The following CNTNAP2 variants were observed in gnomAD, a reference collection of about 807,000 sequenced individuals.
CNTNAP2 encodes contactin-associated protein-like 2.
A neutral mutation model predicts 155.2 loss-of-function variants in CNTNAP2; 98 were observed. The ratio of observed to expected loss-of-function variants is 0.63; its 90% CI spans 0.54 to 0.75. The LOEUF is 0.75. CNTNAP2 is among the 30% of genes least tolerant of loss of function. The pLI, the probability that CNTNAP2 is intolerant of heterozygous loss-of-function variation, is 0.00. For missense variants in CNTNAP2, 1,727 were observed against 1,688.1 expected (o/e 1.02, Z -0.40); for synonymous variants, 651 against 631.2 (o/e 1.03, Z -0.47).
At chr7:147,173,813 C>T (rs1012587133) in intron 8 of CNTNAP2, among the ~76,000 whole-genome samples, 2 of 152,118 alleles carry the variant, frequency 1.3e-5, no homozygotes, top group Admixed American at 6.6e-5. Context: ...AGCAAGGGGA[C>T]TCTGCACACG....
intron 1 of CNTNAP2, among the ~76,000 whole-genome samples, chr7:146,245,223 T>G: frequency 6.6e-6 from 1 of 151,508 alleles, no homozygotes; most frequent in Non-Finnish European, 1.5e-5. Flanking sequence ...AGAGATACAG[T>G]CATGGGGGTC....
chr7:147,816,413 T>A (rs1202434407), intron 13 of CNTNAP2, among the ~76,000 whole-genome samples: 1 of 151,544 alleles, frequency 6.6e-6, no homozygotes, highest in Admixed American at 6.6e-5. Context: ...AATTATTAAT[T>A]TTTTCATGTA....
At chr7:147,507,550 C>CTTTTTTTT (rs3052511) in intron 11 of CNTNAP2, among the ~76,000 whole-genome samples, 88 of 82,000 alleles carry the variant, frequency 1.1e-3, no homozygotes, top group South Asian at 2.5e-3. Context: ...CTCTTTCTTT[C>CTTTTTTTT]TTTTTTTTTT....
chr7:148,278,011 G>C (rs1049003551), intron 21 of CNTNAP2, among the ~76,000 whole-genome samples: 1 of 152,138 alleles, frequency 6.6e-6, no homozygotes, highest in African/African-American at 2.4e-5. Context: ...AGACACGAGA[G>C]AACAAGCCAC....
rs1441401534 is a variant in CNTNAP2 at position 147,570,520 on chromosome 7, G to A, written c.1897+8263G>A. Among the ~76,000 whole-genome samples, 15 of 152,294 alleles carry A rather than the reference G, an allele frequency of 9.8e-5. No individual in the cohort carries two copies. The South Asian group carries it at 2.7e-3, about 27-fold the overall frequency. On this transcript the variant is annotated intron_variant, in intron 12 of 23. Transcript: ENST00000361727. ...TAAAAATTGCTTGTCAACCAGAAATGACAATTACTAACACATTAGTCACTG... is the reference window on the plus strand; with the variant it reads ...TAAAAATTGCTTGTCAACCAGAAATAACAATTACTAACACATTAGTCACTG...
rs985775777 is a variant in CNTNAP2, at chr7:146,458,381, C to A, written c.98-315890C>A. 3.9e-5 allele frequency among the ~76,000 whole-genome samples: 6 copies of A among 152,118 alleles called. No individual in the cohort carries two copies. In the East Asian group the frequency reaches 1.2e-3, roughly 30 times the overall value. ...CTAATTAATTTCATTTAATAAATGT[C>A]TATTAAGAAAAAAATCCCATCTAAT... On this transcript the variant is annotated intron_variant, in intron 1 of 23. Coordinates refer to ENST00000361727, the MANE Select transcript of CNTNAP2 (RefSeq NM_014141.6).
chr7:148,355,495 A>T (rs576750436), intron 21 of CNTNAP2, among the ~76,000 whole-genome samples: 1 of 152,106 alleles, frequency 6.6e-6, no homozygotes, highest in Non-Finnish European at 1.5e-5. Flanking sequence ...TACTTACTCA[A>T]TATAATCCCA....
intron 2 of CNTNAP2, among the ~76,000 whole-genome samples, chr7:146,807,730 C>G (rs1180309379): frequency 6.6e-6 from 1 of 151,946 alleles, no homozygotes; most frequent in Non-Finnish European, 1.5e-5. Flanking sequence ...GTCTCTCCAT[C>G]TCTGTATTTT....
At chr7:147,097,843 G>C (rs954662137) in intron 4 of CNTNAP2, among the ~76,000 whole-genome samples, 2 of 152,124 alleles carry the variant, frequency 1.3e-5, no homozygotes, top group Non-Finnish European at 2.9e-5. Flanking sequence ...AGGAATTTTT[G>C]ACATTTTGTT....
intron 1 of CNTNAP2, among the ~76,000 whole-genome samples, chr7:146,737,893 A>G (rs981794922): frequency 6.6e-6 from 1 of 152,204 alleles, no homozygotes; most frequent in African/African-American, 2.4e-5. Context: ...AAACACACAT[A>G]CCACATTTGC....
intron 1 of CNTNAP2, among the ~76,000 whole-genome samples, chr7:146,209,004 C>T (rs1266957229): frequency 6.6e-6 from 1 of 151,960 alleles, no homozygotes; most frequent in Non-Finnish European, 1.5e-5. Flanking sequence ...CATTAGCCAC[C>T]TTTGAGCCTT....
At chr7:147,299,817 C>T (rs922001989) in intron 8 of CNTNAP2, among the ~76,000 whole-genome samples, 2 of 152,178 alleles carry the variant, frequency 1.3e-5, no homozygotes, top group Middle Eastern at 3.2e-3. Flanking sequence ...TGCAGTGGCT[C>T]ACGCCTGTAA....
In CNTNAP2 at chr7:146,940,799, TTA is replaced by T. The variant is rs200533097; in HGVS notation, c.402+100903_402+100904del. On this transcript the variant is annotated intron_variant, in intron 3 of 23. Coordinates refer to ENST00000361727, the MANE Select transcript of CNTNAP2 (RefSeq NM_014141.6). The stretch of plus-strand genomic sequence containing the variant: ...CATACAGTTGCTGTATATATAGTTG[TTA>T]TATATATGTGTGTGTGTGTATATAC... 6.9e-3 allele frequency among the ~76,000 whole-genome samples: 1,045 copies of T among 150,490 alleles called. 9 individuals carry two copies. Among genetic ancestry groups the T allele is most frequent in the African/African-American group, 0.024 (976 of 41,022 alleles).
chr7:146,164,933 G>T (rs1798289937), intron 1 of CNTNAP2, among the ~76,000 whole-genome samples: 1 of 152,160 alleles, frequency 6.6e-6, no homozygotes, highest in African/African-American at 2.4e-5. Context: ...AGCAGTTTAT[G>T]TGAAGTGTGT....
At chr7:147,630,093 AAG>A (rs139205708) in intron 12 of CNTNAP2, among the ~76,000 whole-genome samples, 1 of 151,848 alleles carries the variant, frequency 6.6e-6, no homozygotes, top group Non-Finnish European at 1.5e-5. Context: ...CCAAGAAAAA[AAG>A]AGAGAAGATC....
At chr7:147,828,096 G>A (rs898451990) in intron 13 of CNTNAP2, among the ~76,000 whole-genome samples, 2 of 152,144 alleles carry the variant, frequency 1.3e-5, no homozygotes, top group Non-Finnish European at 2.9e-5. Flanking sequence ...CTAGAAAAAA[G>A]GGGGAAGAAA....
chr7:147,301,598 G>C (rs1305815494), intron 9 of CNTNAP2, among the ~76,000 whole-genome samples: 778 of 13,786 alleles, frequency 0.056, 6 homozygotes, highest in African/African-American at 0.18. Flanking sequence ...CTCTCTGTGT[G>C]TGTGTGTGTG....
intron 1 of CNTNAP2, among the ~76,000 whole-genome samples, chr7:146,658,885 G>A (rs1800037886): frequency 6.6e-6 from 1 of 152,166 alleles, no homozygotes; most frequent in African/African-American, 2.4e-5. Flanking sequence ...AAAGGGGAAA[G>A]GTGGTATTAG....
At chr7:148,166,742 C>A (rs1261543426) in intron 17 of CNTNAP2, among the ~76,000 whole-genome samples, 1 of 152,196 alleles carries the variant, frequency 6.6e-6, no homozygotes, top group Non-Finnish European at 1.5e-5. Flanking sequence ...GAAGCCCTTG[C>A]ATGGCAGGGG....
Sources: gnomAD v4.1 joint callset for allele counts (sites outside exome capture counted in the v4.1 genomes callset) on GRCh38, gnomAD v4.1.1 for gene constraint, MANE v1.5 for transcripts, NCBI Gene and HGNC (gene_info 2026-07-23, HGNC 2026-07-21) for gene names.